CLCN1: variants seen among roughly 807,000 people sequenced by gnomAD.
CLCN1 encodes the protein chloride channel protein 1.
In CLCN1, 100 loss-of-function variants were observed where a neutral mutation model predicts 114.5. That is an observed-to-expected ratio of 0.87 (90% CI 0.74 to 1.03). The LOEUF is 1.03. CLCN1 is among the 50% of genes least tolerant of loss of function. CLCN1 has a pLI of 0.00. For synonymous variants in CLCN1, 485 were observed against 487.1 expected (o/e 1.00, Z 0.06); for missense variants, 1,188 against 1,250.0 (o/e 0.95, Z 0.75).
intron 1 of CLCN1, 133 bp downstream of exon 1, chr7:143,316,525 G>A: frequency 1.2e-6 from 1 of 802,962 alleles, no homozygotes. Context: ...CAAGTACGTG[G>A]TGATGTGTTC....
At chr7:143,345,870 G>C in intron 17 of CLCN1, 108 bp downstream of exon 17, 1 of 1,470,620 alleles carries the variant, frequency 6.8e-7, no homozygotes, top group Non-Finnish European at 9.2e-7. Flanking sequence ...TTCCCTGAAA[G>C]TAGTGGGAAG....
rs755538530 is a variant in CLCN1, at chr7:143,350,693, G to A, written c.2595+39G>A. 7 of 1,490,370 alleles carry A rather than the reference G, an allele frequency of 4.7e-6. No individual in the cohort carries two copies. In the East Asian group the frequency reaches 1.6e-4, roughly 34 times the overall value. 92.3% of individuals were successfully genotyped at this position (1,490,370 alleles called of 1,614,324 possible). A position where few individuals can be genotyped will look rare whatever the true frequency, so the allele number is the denominator to read the frequency against. ...GTCCCATTTGAGCAGCAGGAGGGAG[G>A]CTGGGCATAGGATAAGGGGATGCAG... On this transcript the variant is annotated intron_variant, in intron 22 of 22. Coordinates refer to ENST00000343257, the MANE Select transcript of CLCN1 (RefSeq NM_000083.3). This position sits in a 1 kb window ranked among gnomAD's most constrained non-coding sequence, Gnocchi z 5.1.
chr7:143,337,321 T>C (rs1034868528), intron 12 of CLCN1, among the ~76,000 whole-genome samples: 1 of 152,254 alleles, frequency 6.6e-6, no homozygotes, highest in South Asian at 2.1e-4. Flanking sequence ...ATGCACTCTC[T>C]GTCCTCAGGG....
chr7:143,350,336 C>T lies in CLCN1; in HGVS notation c.2404-36C>T. ...CAGGTATCTGGGGTGAAAGGAGGCT[C>T]TGTGATTTTCGTGACTTTCCTCCTC... is the stretch of plus-strand genomic sequence containing the variant. On this transcript the variant is annotated intron_variant, in intron 20 of 22. Coordinates refer to ENST00000343257, the MANE Select transcript of CLCN1 (RefSeq NM_000083.3). This position sits in a 1 kb window ranked among gnomAD's most constrained non-coding sequence, Gnocchi z 5.1. The T allele has an allele frequency of 6.4e-7, 1 of 1,556,262 alleles. No homozygotes were observed.
At chr7:143,334,139 G>A (rs1802806070) in intron 12 of CLCN1, among the ~76,000 whole-genome samples, 1 of 152,112 alleles carries the variant, frequency 6.6e-6, no homozygotes. Context: ...CTTGAACCTA[G>A]GAGGCGGAGG....
intron 12 of CLCN1, 135 bp downstream of exon 12, chr7:143,333,008 C>T (rs1802772217): frequency 1.9e-6 from 2 of 1,064,818 alleles, no homozygotes; most frequent in Admixed American, 3.5e-5. Flanking sequence ...ATTTGAAAAC[C>T]ATAGAGTTGG....
chr7:143,328,943 C>T (rs959180295), intron 7 of CLCN1, among the ~76,000 whole-genome samples: 2 of 150,580 alleles, frequency 1.3e-5, no homozygotes, highest in Non-Finnish European at 2.9e-5. Context: ...GTACTAGGTG[C>T]TGGTTTTCAA....
chr7:143,351,777 C>G lies in CLCN1; in HGVS notation c.2779C>G (p.Pro927Ala). 1 of 1,614,188 alleles carries G rather than the reference C, an allele frequency of 6.2e-7. No homozygotes were observed. Among genetic ancestry groups the G allele is most frequent in the Non-Finnish European group, 8.5e-7 (1 of 1,180,024 alleles). The change falls in exon 23 of 23, where the codon CCA becomes GCA. Residue 927 changes from proline (P) to alanine (A), a missense_variant. By Grantham distance (27) the Pro-to-Ala change is conservative. Coordinates refer to ENST00000343257, the MANE Select transcript of CLCN1 (RefSeq NM_000083.3). ...TGTGDVIAASPETPVPSPSPE... is the reference protein window; with the variant it reads ...TGTGDVIAASAETPVPSPSPE... ...AACAGGGGATGTGATTGCTGCCTCC[C>G]CAGAGACCCCTGTGCCATCTCCTTC...
chr7:143,330,682 A>G, intron 7 of CLCN1, 90 bp from the exon 8 acceptor site: 2 of 1,570,478 alleles, frequency 1.3e-6, no homozygotes, highest in Non-Finnish European at 1.7e-6. Flanking sequence ...TTCATGTTTC[A>G]GCAAAAGCTC....
chr7:143,323,014 G>T (rs1802482271), intron 5 of CLCN1, among the ~76,000 whole-genome samples: 1 of 152,134 alleles, frequency 6.6e-6, no homozygotes, highest in South Asian at 2.1e-4. Flanking sequence ...CATCTGCGCG[G>T]CTCCCTCCCT....
In CLCN1 at chr7:143,339,689, C is replaced by G. The variant is rs934304097; in HGVS notation, c.1582+68C>G. 3 of 954,378 alleles carry G rather than the reference C, an allele frequency of 3.1e-6. No individual in the cohort carries two copies. The highest frequency in any genetic ancestry group is 1.7e-5 in the Admixed American group (1 of 57,432). 59.1% of individuals were successfully genotyped at this position (954,378 alleles called of 1,614,324 possible). A position where few individuals can be genotyped will look rare whatever the true frequency, so the allele number is the denominator to read the frequency against. ...TTCAGATCCCCACACTTAAACTCTC[C>G]CATTGGATCTTCATTCTAGGCTACA... is the stretch of plus-strand genomic sequence containing the variant. On this transcript the variant is annotated intron_variant, in intron 14 of 22. Coordinates refer to ENST00000343257, the MANE Select transcript of CLCN1 (RefSeq NM_000083.3). The surrounding 1 kb of genome is among the most constrained non-coding windows in gnomAD (Gnocchi z 4.1).
In CLCN1 at chr7:143,345,668, C is replaced by A; in HGVS notation, c.2078C>A (p.Ala693Asp). Residue 693 changes from alanine to aspartate, a missense_variant, in exon 17 of 23, where the codon GCT (alanine) becomes GAT (aspartate). Transcript: ENST00000343257. Reference protein sequence around the residue: ...ELPYDGKARLAGEGLPGAPPG... With the variant: ...ELPYDGKARLDGEGLPGAPPG... Reference sequence around the variant, plus strand: ...CCTTACGACGGGAAGGCGCGGCTGGCTGGGGAGGGGCTCCCCGGCGCGCCT... The same window carrying A: ...CCTTACGACGGGAAGGCGCGGCTGGATGGGGAGGGGCTCCCCGGCGCGCCT... The A allele has an allele frequency of 6.4e-7, 1 of 1,564,414 alleles. No individual in the cohort carries two copies. The highest frequency in any genetic ancestry group is 8.7e-7 in the Non-Finnish European group (1 of 1,155,332).
chr7:143,323,542 C>T (rs1381836963), intron 6 of CLCN1, 156 bp downstream of exon 6: 1 of 716,246 alleles, frequency 1.4e-6, no homozygotes, highest in Non-Finnish European at 2.6e-6. Context: ...TCCCTGTCTG[C>T]CTACCCTGGC....
At chr7:143,345,450 C>G (rs908928213) in intron 16 of CLCN1, 71 bp from the exon 17 acceptor site, 23 of 1,463,906 alleles carry the variant, frequency 1.6e-5, no homozygotes, top group Non-Finnish European at 2.1e-5. Context: ...TGTTCCTTCT[C>G]AGGAGTGCGG....
At chr7:143,337,846 C>T (rs1281478234) in intron 12 of CLCN1, among the ~76,000 whole-genome samples, 1 of 40,408 alleles carries the variant, frequency 2.5e-5, no homozygotes. Context: ...TTTTTTTTTG[C>T]GACAGAGTCT....
rs557136630 is a variant in CLCN1, at chr7:143,322,260, G to A, written c.696+412G>A. On this transcript the variant is annotated intron_variant, in intron 5 of 22. Coordinates refer to ENST00000343257, the MANE Select transcript of CLCN1 (RefSeq NM_000083.3). ...GGAGGACAAAATCTCCCCTGGTTGA[G>A]AACACTGTCTTAGAGATCATCCAGA... 6.6e-5 allele frequency among the ~76,000 whole-genome samples: 10 copies of A among 152,334 alleles called. 1 individual carries two copies. The highest frequency in any genetic ancestry group is 5.2e-4 in the Admixed American group (8 of 15,306).
intron 17 of CLCN1, 30 bp downstream of exon 17, chr7:143,345,792 G>A: frequency 6.2e-7 from 1 of 1,606,164 alleles, no homozygotes; most frequent in Middle Eastern, 1.7e-4. Flanking sequence ...CTAGGGAGTG[G>A]GATAGATCAG....
At position 143,331,280 on chromosome 7, in the gene CLCN1, T is replaced by C. The variant is rs1291895685; in HGVS notation, c.1028T>C (p.Phe343Ser). Reference protein sequence around the residue: ...FRTNFRMDFPFDLKELPAFAA... With the variant: ...FRTNFRMDFPSDLKELPAFAA... Reference sequence around the variant, plus strand: ...ACCAATTTCCGAATGGATTTCCCCTTTGACCTGAAGGAACTACCAGCTTTT... The same window carrying C: ...ACCAATTTCCGAATGGATTTCCCCTCTGACCTGAAGGAACTACCAGCTTTT... The change falls in exon 9 of 23, where the codon TTT becomes TCT. Residue 343 changes from phenylalanine to serine, a missense_variant. By Grantham distance (155) the Phe-to-Ser change is radical (BLOSUM62 -2). Transcript: ENST00000343257. 1 of 1,613,834 alleles carries C rather than the reference T, an allele frequency of 6.2e-7. No homozygotes were observed. The highest frequency in any genetic ancestry group is 1.1e-5 in the South Asian group (1 of 91,080).
intron 7 of CLCN1, 30 bp from the exon 8 acceptor site, chr7:143,330,742 G>GC (rs748396910): frequency 1.3e-4 from 212 of 1,613,476 alleles, no homozygotes; most frequent in Non-Finnish European, 1.1e-4. Context: ...ACTGCTGGCT[G>GC]CCCCCAACCA....
Sources: gnomAD v4.1 joint callset for allele counts (sites outside exome capture counted in the v4.1 genomes callset) on GRCh38, gnomAD v4.1.1 for gene constraint, Gnocchi (gnomAD v3.1) non-coding constraint, MANE v1.5 for transcripts, NCBI Gene and HGNC (gene_info 2026-07-23, HGNC 2026-07-21) for gene names.